Variants in RAB3C observed in about 807,000 individuals in gnomAD.
The protein encoded by RAB3C is ras-related protein Rab-3C.
Under a neutral mutation model 26.4 loss-of-function variants are expected in RAB3C, and 17 were observed. The ratio of observed to expected loss-of-function variants is 0.64; its 90% confidence interval spans 0.44 to 0.97. The LOEUF is 0.97. Among genes scored for constraint, RAB3C ranks in the 50% least tolerant of loss-of-function variants. The pLI, the probability that RAB3C is intolerant of heterozygous loss-of-function variation, is 0.00. For missense variants in RAB3C, 242 were observed against 281.9 expected, an observed-to-expected ratio of 0.86 and a Z score of 1.01; for synonymous variants, 91 against 95.9, an observed-to-expected ratio of 0.95 and a Z score of 0.30.
At chr5:58,723,534 T>C (rs554898275) in intron 2 of RAB3C, among the ~76,000 whole-genome samples, 1 of 151,954 alleles carries the variant, frequency 6.6e-6, no homozygotes, top group South Asian at 2.1e-4. Context: ...GAATAGGATA[T>C]AACACACAAA....
chr5:58,653,729 C>T (rs964106007), intron 2 of RAB3C, among the ~76,000 whole-genome samples: 1 of 152,140 alleles, frequency 6.6e-6, no homozygotes, highest in Non-Finnish European at 1.5e-5. Flanking sequence ...GTTGGTAAGA[C>T]ATTTATTTGG....
chr5:58,613,945 G>C (rs960835568), intron 1 of RAB3C, among the ~76,000 whole-genome samples: 3 of 152,000 alleles, frequency 2.0e-5, no homozygotes, highest in South Asian at 4.2e-4. Flanking sequence ...TGCTGTAAAG[G>C]CTTCTTCACA....
chr5:58,628,043 G>C (rs540240709), intron 2 of RAB3C, among the ~76,000 whole-genome samples: 1 of 150,912 alleles, frequency 6.6e-6, no homozygotes, highest in African/African-American at 2.4e-5. Context: ...TGTAGTCCCA[G>C]CTACTTGGGA....
chr5:58,609,402 C>T (rs958313809), intron 1 of RAB3C, among the ~76,000 whole-genome samples: 1 of 152,072 alleles, frequency 6.6e-6, no homozygotes, highest in African/African-American at 2.4e-5. Flanking sequence ...TTGAAATGTA[C>T]CAGAAGGTTC....
intron 3 of RAB3C, among the ~76,000 whole-genome samples, chr5:58,749,333 A>G (rs1741472303): frequency 3.3e-5 from 5 of 152,168 alleles, no homozygotes; most frequent in South Asian, 4.1e-4. Context: ...TGTGAATTTT[A>G]TTTTCACTTA....
rs1746369206 is a variant in RAB3C at position 58,598,227 on chromosome 5, ATATAAGTATATGATAATATGTAATACAT to A, written c.24+15000_24+15027del. 8.5e-5 allele frequency among the ~76,000 whole-genome samples: 11 copies of A among 130,098 alleles called. No homozygotes were observed. In the East Asian group the frequency reaches 1.1e-3, roughly 13 times the overall value. 85.3% of individuals were successfully genotyped at this position (130,098 alleles called of 152,430 possible). A position where few individuals can be genotyped will look rare whatever the true frequency, so the allele number is the denominator to read the frequency against. ...TATACGATAACATGTAATACATTAT[ATATAAGTATATGATAATATGTAATACAT>A]TATATATATATATATAGCTGAAAGC... On this transcript the variant is annotated intron_variant, in intron 1 of 4. Transcript: ENST00000282878.
chr5:58,793,287 G>T (rs181881790), intron 3 of RAB3C, among the ~76,000 whole-genome samples: 2 of 152,164 alleles, frequency 1.3e-5, no homozygotes, highest in East Asian at 3.8e-4. Flanking sequence ...GGCCGGGCGC[G>T]GTGGCTCGTG....
At chr5:58,758,508 G>A (rs906727209) in intron 3 of RAB3C, among the ~76,000 whole-genome samples, 5 of 152,016 alleles carry the variant, frequency 3.3e-5, no homozygotes, top group South Asian at 2.1e-4. Flanking sequence ...TTTTTAATAC[G>A]CATGTTAAAC....
intron 4 of RAB3C, among the ~76,000 whole-genome samples, chr5:58,830,273 T>C (rs1392431269): frequency 6.6e-6 from 1 of 152,202 alleles, no homozygotes; most frequent in Non-Finnish European, 1.5e-5. Context: ...AATATACTAA[T>C]GGAACCAATT....
chr5:58,718,280 A>G (rs1561299257), intron 2 of RAB3C, among the ~76,000 whole-genome samples: 2 of 152,096 alleles, frequency 1.3e-5, no homozygotes, highest in Non-Finnish European at 2.9e-5. Flanking sequence ...AGATGCCTCT[A>G]TATACTTTCG....
chr5:58,773,865 T>C (rs184008442), intron 3 of RAB3C, among the ~76,000 whole-genome samples: 11 of 152,248 alleles, frequency 7.2e-5, no homozygotes, highest in African/African-American at 1.9e-4. Flanking sequence ...TGCTCCCAAG[T>C]TGCAAATGCT....
At position 58,702,579 on chromosome 5, in the gene RAB3C, T is replaced by G. The variant is rs1047166035; in HGVS notation, c.253-23423T>G. Among the ~76,000 whole-genome samples, 7 of 96,702 alleles carry G rather than the reference T, an allele frequency of 7.2e-5. No homozygotes were observed. In the South Asian group the frequency reaches 2.3e-3, roughly 31 times the overall value. The allele number at this position is 96,702 out of a possible 152,430, so 63.4% of individuals were successfully genotyped here. A position where few individuals can be genotyped will look rare whatever the true frequency, so the allele number is the denominator to read the frequency against. The stretch of plus-strand genomic sequence containing the variant: ...TCTCTCATTCTCCTTTCTCTCTCTC[T>G]CTTTCTTTTTCTTTCTCTCTCTCCT... On this transcript the variant is annotated intron_variant, in intron 2 of 4. Coordinates refer to ENST00000282878, the MANE Select transcript of RAB3C (RefSeq NM_138453.4).
rs1745936122 is a variant in RAB3C at position 58,583,089 on chromosome 5, A to G, written c.-120A>G. 1 of 1,559,432 alleles carries G rather than the reference A, an allele frequency of 6.4e-7. No homozygotes were observed. Among genetic ancestry groups the G allele is most frequent in the Non-Finnish European group, 8.7e-7 (1 of 1,155,754 alleles). On this transcript the variant is annotated 5_prime_UTR_variant, in exon 1 of 5. Coordinates refer to ENST00000282878, the MANE Select transcript of RAB3C (RefSeq NM_138453.4). ...AGGACAGCTCCAGTGCTGATGTTGG[A>G]GCCGGTTAGCGAACCCCAAGAGTGC... is the stretch of plus-strand genomic sequence containing the variant.
intron 3 of RAB3C, among the ~76,000 whole-genome samples, chr5:58,749,103 G>A (rs1252828710): frequency 1.3e-5 from 2 of 152,066 alleles, no homozygotes; most frequent in Non-Finnish European, 2.9e-5. Context: ...TGTACACAAG[G>A]AGTAAACTTC....
At chr5:58,671,724 A>G (rs1452021067) in intron 2 of RAB3C, among the ~76,000 whole-genome samples, 1 of 152,202 alleles carries the variant, frequency 6.6e-6, no homozygotes, top group Non-Finnish European at 1.5e-5. Flanking sequence ...GTTGTTATTT[A>G]TGTGACCAAA....
chr5:58,595,456 C>G (rs1255602103), intron 1 of RAB3C, among the ~76,000 whole-genome samples: 1 of 152,078 alleles, frequency 6.6e-6, no homozygotes, highest in East Asian at 1.9e-4. Flanking sequence ...GATCATATTT[C>G]CATGTTCCCA....
chr5:58,847,751 C>G (rs1339477751), intron 4 of RAB3C, among the ~76,000 whole-genome samples: 1 of 152,160 alleles, frequency 6.6e-6, no homozygotes, highest in Non-Finnish European at 1.5e-5. Flanking sequence ...TGCTAAAATA[C>G]TAATGATATT....
intron 2 of RAB3C, among the ~76,000 whole-genome samples, chr5:58,670,380 A>G (rs1748090191): frequency 6.6e-6 from 1 of 152,136 alleles, no homozygotes; most frequent in Admixed American, 6.5e-5. Context: ...GAAAGAACAT[A>G]AGTGATTTGT....
At chr5:58,608,408 AT>A in intron 1 of RAB3C, among the ~76,000 whole-genome samples, 1 of 152,238 alleles carries the variant, frequency 6.6e-6, no homozygotes, top group Non-Finnish European at 1.5e-5. Flanking sequence ...AAAAGAAGAC[AT>A]TTATGCAGCC....
Sources: allele counts gnomAD v4.1 joint callset (sites outside exome capture counted in the v4.1 genomes callset), GRCh38; gene constraint gnomAD v4.1.1; transcripts MANE v1.5; gene names NCBI Gene and HGNC (gene_info 2026-07-23, HGNC 2026-07-21).